FCRL1: variants seen among roughly 807,000 people sequenced by gnomAD.
FCRL1 encodes the protein Fc receptor like 1.
A neutral mutation model predicts 49.2 loss-of-function variants in FCRL1; 34 were observed. The observed-to-expected ratio is 0.69, with a 90% CI of 0.53 to 0.92. The LOEUF (loss-of-function observed/expected upper bound fraction) is 0.92. Ranked by LOEUF, FCRL1 falls within the 40% of genes least tolerant of loss-of-function variation. FCRL1 has a pLI of 0.00. For missense variants in FCRL1, 524 were observed against 524.1 expected (o/e 1.00, Z 0.00); for synonymous variants, 218 against 201.6 (o/e 1.08, Z -0.69).
At chr1:157,796,969 T>A in intron 10 of FCRL1, 132 bp downstream of exon 10, 1 of 781,974 alleles carries the variant, frequency 1.3e-6, no homozygotes, top group Non-Finnish European at 2.1e-6. Context: ...TTACCTCCAT[T>A]GCTTTGGGAT....
Position 157,804,082 on chromosome 1 carries a change from G to A in FCRL1, c.82C>T (p.Pro28Ser), listed in dbSNP as rs1652984822. ...ELFLIASPSH[P>S]TEGSPVTLTC... Reference sequence around the variant, plus strand: ...AGGGTCACTGGGCTCCCCTCTGTGGGATGGGAGGGGCTGGCTATCAAAAAC... The same window carrying A: ...AGGGTCACTGGGCTCCCCTCTGTGGAATGGGAGGGGCTGGCTATCAAAAAC... Residue 28 changes from proline (P) to serine (S), a missense_variant, in exon 3 of 11, where the codon CCC (proline) becomes TCC (serine). Transcript: ENST00000368176. 12 of 1,614,160 alleles carry A rather than the reference G, an allele frequency of 7.4e-6. No individual in the cohort carries two copies. The highest frequency in any genetic ancestry group is 9.3e-6 in the Non-Finnish European group (11 of 1,180,018).
At chr1:157,798,037 AGTCATTTGT>A in intron 8 of FCRL1, 98 bp from the exon 9 acceptor site, 1 of 1,509,690 alleles carries the variant, frequency 6.6e-7, no homozygotes, top group Non-Finnish European at 9.2e-7. Flanking sequence ...AAGACAGATG[AGTCATTTGT>A]TTGTAGCAGA....
chr1:157,795,511 C>T lies in FCRL1; in HGVS notation c.*588G>A, dbSNP rs1651343246. ...TGTGGTATAGGTTGGCCTATATATA[C>T]AAAAATACGTCACTAAAATTAAGTG... On this transcript the variant is annotated 3_prime_UTR_variant, in exon 11 of 11. Coordinates refer to ENST00000368176, the MANE Select transcript of FCRL1 (RefSeq NM_052938.5). 6.6e-6 allele frequency: 1 copy of T among 152,408 alleles called. No homozygotes were observed. The highest frequency in any genetic ancestry group is 1.9e-4 in the East Asian group (1 of 5,208). 9.4% of individuals were successfully genotyped at this position (152,408 alleles called of 1,614,324 possible).
At chr1:157,807,503 G>GCTC (rs1398013261) in intron 1 of FCRL1, among the ~76,000 whole-genome samples, 1 of 152,120 alleles carries the variant, frequency 6.6e-6, no homozygotes, top group African/African-American at 2.4e-5. Flanking sequence ...CCTTCTTCAA[G>GCTC]CTCCTCATTC....
At chr1:157,810,461 T>C (rs1016418149) in intron 1 of FCRL1, among the ~76,000 whole-genome samples, 1 of 152,072 alleles carries the variant, frequency 6.6e-6, no homozygotes, top group East Asian at 1.9e-4. Flanking sequence ...CTCGCCTGGC[T>C]AATTTTTGTA....
intron 1 of FCRL1, among the ~76,000 whole-genome samples, chr1:157,817,212 C>G (rs867219801): frequency 7.9e-5 from 12 of 151,710 alleles, no homozygotes; most frequent in Middle Eastern, 3.4e-3. Context: ...CCTGAATAGC[C>G]CAAACAACCT....
At chr1:157,799,665 T>C (rs1405092290) in intron 7 of FCRL1, among the ~76,000 whole-genome samples, 1 of 151,954 alleles carries the variant, frequency 6.6e-6, no homozygotes, top group Non-Finnish European at 1.5e-5. Flanking sequence ...GAGGGAGGGA[T>C]AGCATTAGGA....
chr1:157,801,857 C>A (rs1440812530), intron 5 of FCRL1, 58 bp downstream of exon 5: 3 of 1,552,230 alleles, frequency 1.9e-6, no homozygotes, highest in African/African-American at 2.7e-5. Flanking sequence ...CAGCAAAACT[C>A]TCCCAGGACG....
intron 2 of FCRL1, chr1:157,806,787 C>CT (rs1653527542): frequency 3.8e-6 from 1 of 263,226 alleles, no homozygotes; most frequent in Admixed American, 5.5e-5. Context: ...CTTCAGCACC[C>CT]TTTGCCTTCC....
intron 1 of FCRL1, among the ~76,000 whole-genome samples, chr1:157,809,281 T>A (rs372258006): frequency 6.6e-6 from 1 of 152,110 alleles, no homozygotes; most frequent in African/African-American, 2.4e-5. Context: ...CCAAGCCAGA[T>A]GCAGTGGCTT....
chr1:157,797,438 G>A (rs1651694318), intron 9 of FCRL1, among the ~76,000 whole-genome samples: 1 of 152,234 alleles, frequency 6.6e-6, no homozygotes, highest in South Asian at 2.1e-4. Context: ...GCTGTGATGG[G>A]GTTATGAGGA....
chr1:157,800,013 AG>A lies in FCRL1; in HGVS notation c.1031+44del, dbSNP rs1044393512. On this transcript the variant is annotated intron_variant, in intron 7 of 10. Transcript: ENST00000368176. ...ACAAATCTAAATCTATTTTTAAAAT[AG>A]ATTTTTCTGCATTATTGACACCTAT... 5 of 1,562,268 alleles carry A rather than the reference AG, an allele frequency of 3.2e-6. 1 individual carries two copies. The Admixed American group carries it at 9.1e-5, about 28-fold the overall frequency.
chr1:157,815,708 A>G (rs1654933108), intron 1 of FCRL1, among the ~76,000 whole-genome samples: 2 of 151,860 alleles, frequency 1.3e-5, no homozygotes, highest in South Asian at 4.1e-4. Context: ...AACTAGCTAG[A>G]CTAAATAAGA....
intron 1 of FCRL1, among the ~76,000 whole-genome samples, chr1:157,807,721 G>A (rs1331168066): frequency 1.3e-5 from 2 of 152,206 alleles, no homozygotes; most frequent in South Asian, 2.1e-4. Flanking sequence ...CCAAGGACTT[G>A]ACCATAATAT....
At chr1:157,811,699 T>A (rs1654340464) in intron 1 of FCRL1, among the ~76,000 whole-genome samples, 2 of 152,176 alleles carry the variant, frequency 1.3e-5, no homozygotes, top group South Asian at 4.1e-4. Context: ...TGTGTTCTGT[T>A]CCTGGGGGCA....
intron 9 of FCRL1, 158 bp downstream of exon 9, chr1:157,797,710 G>C: frequency 6.5e-7 from 1 of 1,536,194 alleles, no homozygotes; most frequent in Non-Finnish European, 8.8e-7. Context: ...TCTACTCAAG[G>C]TAGCTCCAGA....
At position 157,812,165 on chromosome 1, in the gene FCRL1, T is replaced by C. The variant is rs1455142744; in HGVS notation, c.32-5043A>G. On this transcript the variant is annotated intron_variant, in intron 1 of 10. Transcript: ENST00000368176. ...CAGCACCTGCCAATCTGTATTACTC[T>C]GCCCTTCTCAGCCAAACAGCCTAAG... Among the ~76,000 whole-genome samples, 3 of 152,202 alleles carry C rather than the reference T, an allele frequency of 2.0e-5. No individual in the cohort carries two copies. The South Asian group carries it at 6.2e-4, about 32-fold the overall frequency.
intron 1 of FCRL1, among the ~76,000 whole-genome samples, chr1:157,817,116 A>G (rs1306647989): frequency 6.6e-6 from 1 of 152,102 alleles, no homozygotes; most frequent in Non-Finnish European, 1.5e-5. Context: ...AATCTCTATC[A>G]AAATACCAAT....
chr1:157,807,733 A>T (rs1029113329), intron 1 of FCRL1, among the ~76,000 whole-genome samples: 1 of 152,210 alleles, frequency 6.6e-6, no homozygotes, highest in South Asian at 2.1e-4. Flanking sequence ...CCATAATATT[A>T]TGGCTCAATG....
Sources: allele counts gnomAD v4.1 joint callset (sites outside exome capture counted in the v4.1 genomes callset), GRCh38; gene constraint gnomAD v4.1.1; transcripts MANE v1.5; gene names NCBI Gene and HGNC (gene_info 2026-07-23, HGNC 2026-07-21).